The following CCDC7 variants were observed in gnomAD, a reference collection of about 807,000 sequenced individuals.
CCDC7 encodes coiled-coil domain containing 7, also known as coiled-coil domain-containing protein 7.
In CCDC7, 183 loss-of-function variants were observed where a neutral mutation model predicts 196.9. That is an observed-to-expected ratio of 0.93 (90% CI 0.82 to 1.05). The LOEUF (loss-of-function observed/expected upper bound fraction) is 1.05, where lower values mean the gene tolerates loss of function less well. Ranked by LOEUF, CCDC7 falls within the 50% of genes least tolerant of loss-of-function variation. CCDC7 has a pLI of 0.00. For missense variants in CCDC7, 1,540 were observed against 1,482.2 expected (o/e 1.04, Z -0.64); for synonymous variants, 525 against 484.6 (o/e 1.08, Z -1.10).
In CCDC7 at chr10:32,549,643, T is replaced by G. The variant is rs527857134; in HGVS notation, c.1134+5342T>G. On this transcript the variant is annotated intron_variant, in intron 13 of 41. Coordinates refer to ENST00000639629, the Ensembl canonical transcript of CCDC7. ...ATTCTCCTACATGTGTTTAGCCAAT[T>G]ATCCCAGCACCATTTGTTGAATAGG... is the stretch of plus-strand genomic sequence containing the variant. Among the ~76,000 whole-genome samples the G allele has an allele frequency of 3.3e-5, 5 of 152,318 alleles. No homozygotes were observed. The South Asian group carries it at 1.0e-3, about 32-fold the overall frequency.
chr10:32,808,824 A>G lies in CCDC7; in HGVS notation c.3097+3726A>G, dbSNP rs569351070. ...GACATCACTGACACTGTTATAGCTG[A>G]AAAAAAAAATTATACAGAGGCCGTA... On this transcript the variant is annotated intron_variant, in intron 30 of 41. Transcript: ENST00000639629. 1.5e-3 allele frequency among the ~76,000 whole-genome samples: 227 copies of G among 150,396 alleles called. 2 individuals carry two copies. Among genetic ancestry groups the G allele is most frequent in the African/African-American group, 5.2e-3 (215 of 40,968 alleles).
intron 28 of CCDC7, among the ~76,000 whole-genome samples, chr10:32,742,821 T>C (rs565004336): frequency 7.0e-4 from 106 of 152,316 alleles, no homozygotes; most frequent in African/African-American, 2.4e-3. Context: ...AGTCCACTCT[T>C]ACAATCTCAT....
At chr10:32,688,435 T>C (rs1020371905) in intron 22 of CCDC7, among the ~76,000 whole-genome samples, 23 of 152,220 alleles carry the variant, frequency 1.5e-4, no homozygotes, top group African/African-American at 5.5e-4. Flanking sequence ...TTTATCTTTC[T>C]GTGTTTATTT....
intron 24 of CCDC7, among the ~76,000 whole-genome samples, chr10:32,697,596 CTG>C (rs1325901270): frequency 1.3e-5 from 2 of 152,176 alleles, no homozygotes; most frequent in African/African-American, 4.8e-5. Context: ...CGAGATCAAA[CTG>C]AGAGGTGGCA....
chr10:32,725,336 A>T (rs2082960462), intron 25 of CCDC7: 2 of 470,840 alleles, frequency 4.2e-6, no homozygotes, highest in Non-Finnish European at 8.8e-6. Flanking sequence ...AAAGAATTTC[A>T]TGATTTCTTT....
chr10:32,596,363 C>T (rs534930789), intron 18 of CCDC7, among the ~76,000 whole-genome samples: 2 of 152,092 alleles, frequency 1.3e-5, no homozygotes, highest in African/African-American at 4.8e-5. Context: ...CAACCCTTAC[C>T]TTTTTTTGTT....
intron 29 of CCDC7, among the ~76,000 whole-genome samples, chr10:32,801,856 G>C (rs2084859646): frequency 6.6e-6 from 1 of 152,170 alleles, no homozygotes; most frequent in African/African-American, 2.4e-5. Context: ...GCCACCACTT[G>C]GAGTGGGGAG....
chr10:32,787,399 C>G (rs2082044819), intron 29 of CCDC7, among the ~76,000 whole-genome samples: 1 of 152,170 alleles, frequency 6.6e-6, no homozygotes, highest in Non-Finnish European at 1.5e-5. Context: ...AATACCTTCA[C>G]AACAGCTAAA....
rs184673631 is a variant in CCDC7 at position 32,727,926 on chromosome 10, A to G, written c.2669-961A>G. On this transcript the variant is annotated intron_variant, in intron 26 of 41. Coordinates refer to ENST00000639629, the Ensembl canonical transcript of CCDC7. ...TGTTCTTACTCTTGATTGTAGAACC[A>G]AAGGACAACCAGCGTTGTGATTCAT... is the stretch of plus-strand genomic sequence containing the variant. 2.0e-4 allele frequency among the ~76,000 whole-genome samples: 30 copies of G among 152,290 alleles called. No homozygotes were observed. The East Asian group carries it at 5.6e-3, about 28-fold the overall frequency.
At chr10:32,461,848 C>A (rs906285701) in intron 3 of CCDC7, among the ~76,000 whole-genome samples, 6 of 150,054 alleles carry the variant, frequency 4.0e-5, no homozygotes, top group African/African-American at 1.5e-4. Flanking sequence ...CTCGGCTCAC[C>A]GCAACCTCCG....
At chr10:32,599,708 G>C (rs1288144849) in intron 18 of CCDC7, among the ~76,000 whole-genome samples, 4 of 150,860 alleles carry the variant, frequency 2.7e-5, no homozygotes, top group African/African-American at 9.7e-5. Flanking sequence ...TGGTTACATG[G>C]ATGAATTATA....
chr10:32,727,980 T>C (rs886390336), intron 26 of CCDC7, among the ~76,000 whole-genome samples: 12 of 152,100 alleles, frequency 7.9e-5, no homozygotes, highest in Admixed American at 2.0e-4. Context: ...GCAAGGGTGG[T>C]CCAAACATGA....
At chr10:32,690,183 G>C (rs1325610081) in intron 23 of CCDC7, among the ~76,000 whole-genome samples, 4 of 152,160 alleles carry the variant, frequency 2.6e-5, no homozygotes, top group Non-Finnish European at 5.9e-5. Flanking sequence ...CCAGTTAAGA[G>C]CCACTGGTGA....
intron 18 of CCDC7, among the ~76,000 whole-genome samples, chr10:32,585,836 C>T (rs1199826634): frequency 6.6e-6 from 1 of 152,158 alleles, no homozygotes; most frequent in Non-Finnish European, 1.5e-5. Context: ...AGTAAACATA[C>T]ATGTGCATGT....
At chr10:32,852,389 T>A (rs1565713925) in intron 40 of CCDC7, among the ~76,000 whole-genome samples, 1 of 152,226 alleles carries the variant, frequency 6.6e-6, no homozygotes, top group Non-Finnish European at 1.5e-5. Flanking sequence ...TCCATTAATA[T>A]CTAAGAACTA....
chr10:32,810,882 A>G (rs997925089), intron 30 of CCDC7, among the ~76,000 whole-genome samples: 2 of 152,150 alleles, frequency 1.3e-5, no homozygotes, highest in African/African-American at 4.8e-5. Flanking sequence ...AACTGTGCAA[A>G]CACATGGAAA....
At chr10:32,669,840 A>G (rs1035570961) in intron 21 of CCDC7, among the ~76,000 whole-genome samples, 1 of 152,096 alleles carries the variant, frequency 6.6e-6, no homozygotes, top group Non-Finnish European at 1.5e-5. Flanking sequence ...CTAATTTATT[A>G]ACTCATCATT....
chr10:32,498,464 T>G (rs964576096), intron 9 of CCDC7, among the ~76,000 whole-genome samples: 1 of 152,186 alleles, frequency 6.6e-6, no homozygotes, highest in Non-Finnish European at 1.5e-5. Flanking sequence ...TTGATGCTGT[T>G]TCTTCATAGC....
At chr10:32,819,017 A>C (rs1248425941) in intron 31 of CCDC7, among the ~76,000 whole-genome samples, 1 of 152,234 alleles carries the variant, frequency 6.6e-6, no homozygotes, top group Admixed American at 6.5e-5. Flanking sequence ...AAAATCAATG[A>C]ATCCAGGAGC....
Sources: allele counts gnomAD v4.1 joint callset (sites outside exome capture counted in the v4.1 genomes callset), GRCh38; gene constraint gnomAD v4.1.1; transcripts MANE v1.5; gene names NCBI Gene and HGNC (gene_info 2026-07-23, HGNC 2026-07-21).